Variants in CWC22 observed in about 807,000 individuals in gnomAD.
The protein encoded by CWC22 is CWC22 spliceosome associated protein, also known as pre-mRNA-splicing factor CWC22 homolog.
A neutral mutation model predicts 117.2 loss-of-function variants in CWC22; 53 were observed. That is an observed-to-expected ratio of 0.45 (90% CI 0.36 to 0.57). CWC22 has a LOEUF of 0.57. CWC22 is among the 20% of genes least tolerant of loss of function. CWC22 has a pLI of 0.00. For synonymous variants in CWC22, 360 were observed against 355.6 expected (o/e 1.01, Z -0.14); for missense variants, 980 against 1,068.8 (o/e 0.92, Z 1.16).
chr2:179,945,634 T>A lies in CWC22; in HGVS notation c.2222A>T (p.Asp741Val), dbSNP rs11903115. The A allele has an allele frequency of 3.5e-3, 5,683 of 1,612,638 alleles. 189 individuals carry two copies. In the African/African-American group the frequency reaches 0.065, roughly 19 times the overall value. ...DKLIRNQQTN[D>V]RKQKERRQEH... is the part of the protein sequence containing the mutation. ...TTGTCTTCTTTCTTTTTGTTTCCTATCATTTGTTTGCTGGTTTCTGATCAA... is the reference window on the plus strand; with the variant it reads ...TTGTCTTCTTTCTTTTTGTTTCCTAACATTTGTTTGCTGGTTTCTGATCAA... Residue 741 changes from aspartate (D) to valine (V), a missense_variant, in exon 20 of 20, where the codon GAT becomes GTT. Physicochemically the swap from Asp to Val is radical, Grantham distance 152. Around this residue, in one of 3 missense-constraint regions of CWC22, gnomAD observed 306 missense variants for 296.8 expected, o/e 1.03. Transcript: ENST00000410053.
intron 2 of CWC22, among the ~76,000 whole-genome samples, chr2:179,989,438 G>C (rs538817927): frequency 6.6e-6 from 1 of 151,778 alleles, no homozygotes; most frequent in African/African-American, 2.4e-5. Flanking sequence ...TTTAGTACAG[G>C]GTAAAATAGC....
chr2:179,950,760 C>G, intron 18 of CWC22, 28 bp from the exon 19 acceptor site: 2 of 1,596,006 alleles, frequency 1.3e-6, no homozygotes, highest in Non-Finnish European at 1.7e-6. Context: ...CTGTTAGATT[C>G]TATTTCAAAG....
At chr2:179,988,547 A>G (rs772683078) in intron 3 of CWC22, 30 bp downstream of exon 3, 5 of 1,151,862 alleles carry the variant, frequency 4.3e-6, no homozygotes, top group Admixed American at 4.9e-5. Context: ...AAAAATTTAC[A>G]TTGCATTCAG....
Position 180,007,184 on chromosome 2 carries a change from C to T in CWC22, c.-431G>A, listed in dbSNP as rs989507634. On this transcript the variant is annotated 5_prime_UTR_variant, in exon 1 of 20. Coordinates refer to ENST00000410053, the MANE Select transcript of CWC22 (RefSeq NM_020943.3). ...ATTTAAAAACTTGACGCTCAATTGG[C>T]TTGACACGTTATCCCTTTAATTTAT... 2 of 152,246 alleles carry T rather than the reference C, an allele frequency of 1.3e-5. No individual in the cohort carries two copies. The highest frequency in any genetic ancestry group is 4.8e-5 in the African/African-American group (2 of 41,464). The allele number at this position is 152,246 out of a possible 1,614,324, so 9.4% of individuals were successfully genotyped here.
At chr2:179,971,659 T>C (rs1455869313) in intron 8 of CWC22, among the ~76,000 whole-genome samples, 1 of 152,176 alleles carries the variant, frequency 6.6e-6, no homozygotes, top group Admixed American at 6.5e-5. Flanking sequence ...AAACTATTAC[T>C]GGCCACGTTC....
intron 13 of CWC22, 145 bp downstream of exon 13, chr2:179,964,402 C>T (rs1189477728): frequency 2.0e-6 from 1 of 493,158 alleles, no homozygotes; most frequent in Non-Finnish European, 3.6e-6. Flanking sequence ...GTACTATGAG[C>T]TTGGGCATGG....
chr2:179,945,971 C>T (rs527721737), intron 19 of CWC22, among the ~76,000 whole-genome samples: 2 of 152,204 alleles, frequency 1.3e-5, no homozygotes, highest in Non-Finnish European at 2.9e-5. Context: ...CAACCTCCGC[C>T]TCCTGGGTTC....
intron 1 of CWC22, among the ~76,000 whole-genome samples, chr2:179,998,905 C>A (rs1559298890): frequency 6.6e-6 from 1 of 152,176 alleles, no homozygotes; most frequent in Non-Finnish European, 1.5e-5. Flanking sequence ...CCTACTTACA[C>A]ATTTCAGAAC....
intron 11 of CWC22, among the ~76,000 whole-genome samples, chr2:179,969,493 G>C (rs1686976597): frequency 6.6e-6 from 1 of 152,194 alleles, no homozygotes; most frequent in Non-Finnish European, 1.5e-5. Context: ...AATGCAGACA[G>C]AGACAGAGTT....
Position 179,945,532 on chromosome 2 carries a change from G to A in CWC22, c.2324C>T (p.Ser775Leu). ...EKHRDQNSSG[S>L]NWRDPITKYT... The stretch of plus-strand genomic sequence containing the variant: ...CTTTGTTATAGGATCTCTCCAATTT[G>A]AACCACTTGAATTTTGATCTCTGTG... Residue 775 changes from serine (S) to leucine (L), a missense_variant, in exon 20 of 20, where the codon TCA (serine) becomes TTA (leucine). Coordinates refer to ENST00000410053, the MANE Select transcript of CWC22 (RefSeq NM_020943.3). The A allele has an allele frequency of 6.2e-7, 1 of 1,613,168 alleles. No homozygotes were observed. Among genetic ancestry groups the A allele is most frequent in the Non-Finnish European group, 8.5e-7 (1 of 1,179,446 alleles).
intron 11 of CWC22, among the ~76,000 whole-genome samples, chr2:179,966,660 T>A (rs993359061): frequency 6.6e-6 from 1 of 152,190 alleles, no homozygotes; most frequent in Non-Finnish European, 1.5e-5. Context: ...TAGTGATGTA[T>A]ATGAGACTAC....
intron 6 of CWC22, among the ~76,000 whole-genome samples, chr2:179,976,654 G>T (rs1687158976): frequency 6.6e-6 from 1 of 152,078 alleles, no homozygotes; most frequent in Admixed American, 6.5e-5. Flanking sequence ...TATATGAAAT[G>T]CTAAACCTCA....
Position 179,953,355 on chromosome 2 carries a change from C to A in CWC22, c.1690-757G>T, listed in dbSNP as rs909845434. Among the ~76,000 whole-genome samples, 24 of 152,200 alleles carry A rather than the reference C, an allele frequency of 1.6e-4. 1 individual carries two copies. The highest frequency in any genetic ancestry group is 2.1e-4 in the South Asian group (1 of 4,824). On this transcript the variant is annotated intron_variant, in intron 16 of 19. Coordinates refer to ENST00000410053, the MANE Select transcript of CWC22 (RefSeq NM_020943.3). The stretch of plus-strand genomic sequence containing the variant: ...CTACCATTAGTAGGATGGCATTCTA[C>A]AAGATAATCCTGTTCTTTCCTCCTG...
intron 14 of CWC22, among the ~76,000 whole-genome samples, chr2:179,957,751 G>A (rs1372026521): frequency 6.6e-6 from 1 of 151,612 alleles, no homozygotes; most frequent in African/African-American, 2.4e-5. Context: ...AAAGCAACGT[G>A]AGAAAAATAC....
At chr2:179,985,259 C>T (rs1006894163) in intron 4 of CWC22, among the ~76,000 whole-genome samples, 2 of 152,044 alleles carry the variant, frequency 1.3e-5, no homozygotes, top group African/African-American at 4.8e-5. Flanking sequence ...AAATTGTCTG[C>T]ATCACTACTC....
Position 179,954,321 on chromosome 2 carries a change from A to G in CWC22, c.1573T>C (p.Phe525Leu), listed in dbSNP as rs1686529078. ...TACTGTTCTTTGAATATACCTTCAAAGGATTCCATGTACTCTTTCTTTAGC... is the reference window on the plus strand; with the variant it reads ...TACTGTTCTTTGAATATACCTTCAAGGGATTCCATGTACTCTTTCTTTAGC... ...CMLKKEYMES[F>L]EGIFKEQYDT... The change falls in exon 16 of 20, where the codon TTT (phenylalanine) becomes CTT (leucine). Residue 525 changes from phenylalanine to leucine, a missense_variant. Phe to Leu is a conservative substitution (Grantham distance 22). Transcript: ENST00000410053. The G allele has an allele frequency of 6.2e-7, 1 of 1,603,110 alleles. No individual in the cohort carries two copies. The highest frequency in any genetic ancestry group is 8.5e-7 in the Non-Finnish European group (1 of 1,171,846).
intron 19 of CWC22, among the ~76,000 whole-genome samples, chr2:179,947,156 GT>G (rs1483116485): frequency 6.6e-6 from 1 of 152,150 alleles, no homozygotes; most frequent in African/African-American, 2.4e-5. Context: ...AGTGCCTCTT[GT>G]CACCCTAATT....
At chr2:179,950,430 T>C (rs1686415007) in intron 19 of CWC22, 82 bp downstream of exon 19, 4 of 841,486 alleles carry the variant, frequency 4.8e-6, no homozygotes, top group Non-Finnish European at 3.7e-6. Flanking sequence ...AAATAAACAA[T>C]CAAATTATTT....
chr2:179,997,193 G>C (rs1488202672), intron 1 of CWC22, among the ~76,000 whole-genome samples: 1 of 110,580 alleles, frequency 9.0e-6, no homozygotes, highest in Non-Finnish European at 2.0e-5. Context: ...ATAGTATATA[G>C]AACTAGCGAC....
Sources: allele counts gnomAD v4.1 joint callset (sites outside exome capture counted in the v4.1 genomes callset), GRCh38; gene constraint gnomAD v4.1.1; regional missense constraint gnomAD v4.1.1; transcripts MANE v1.5; gene names NCBI Gene and HGNC (gene_info 2026-07-23, HGNC 2026-07-21).